The following STK32A variants were observed in gnomAD, a reference collection of about 807,000 sequenced individuals.
The protein encoded by STK32A is serine/threonine-protein kinase 32A.
A neutral mutation model predicts 53.2 loss-of-function variants in STK32A; 41 were observed. The observed-to-expected ratio is 0.77, with a 90% CI of 0.60 to 1.00. The LOEUF (loss-of-function observed/expected upper bound fraction) is 1.00. STK32A is among the 50% of genes least tolerant of loss of function. The pLI, the probability that STK32A is intolerant of heterozygous loss-of-function variation, is 0.00. For missense variants in STK32A, 458 were observed against 485.8 expected (o/e 0.94, Z 0.54); for synonymous variants, 166 against 162.8 (o/e 1.02, Z -0.15).
At chr5:147,255,013 A>G (rs963254750) in intron 2 of STK32A, among the ~76,000 whole-genome samples, 3 of 152,154 alleles carry the variant, frequency 2.0e-5, no homozygotes, top group Middle Eastern at 3.4e-3. Context: ...GGTGGCAGGC[A>G]CCTGTAGTCC....
At chr5:147,354,669 C>G (rs979078194) in intron 7 of STK32A, among the ~76,000 whole-genome samples, 4 of 152,116 alleles carry the variant, frequency 2.6e-5, no homozygotes, top group Admixed American at 2.6e-4. Flanking sequence ...CTTATCACTA[C>G]TTTATAATGA....
intron 4 of STK32A, among the ~76,000 whole-genome samples, chr5:147,288,216 A>G (rs1752434887): frequency 6.6e-6 from 1 of 152,172 alleles, no homozygotes; most frequent in Admixed American, 6.5e-5. Flanking sequence ...ACTACATTCA[A>G]AACTAGAAAC....
At chr5:147,281,955 G>A (rs891252336) in intron 4 of STK32A, among the ~76,000 whole-genome samples, 2 of 152,018 alleles carry the variant, frequency 1.3e-5, no homozygotes, top group African/African-American at 2.4e-5. Flanking sequence ...CCCTATCTCT[G>A]GCCTCCTCAA....
the STK32A span, chr5:147,397,889 A>C: frequency 6.5e-7 from 1 of 1,528,562 alleles, no homozygotes; most frequent in East Asian, 2.3e-5. Context: ...AGGGTAGAGA[A>C]AGAGGAACGT....
intron 8 of STK32A, among the ~76,000 whole-genome samples, chr5:147,369,309 C>T (rs1756904013): frequency 6.6e-6 from 1 of 152,088 alleles, no homozygotes; most frequent in Non-Finnish European, 1.5e-5. Context: ...CATTGACTTG[C>T]CATGTGTAAA....
At chr5:147,246,013 G>C (rs1753756728) in intron 2 of STK32A, among the ~76,000 whole-genome samples, 1 of 152,156 alleles carries the variant, frequency 6.6e-6, no homozygotes, top group Non-Finnish European at 1.5e-5. Flanking sequence ...TTTGTTATTT[G>C]ACTGTCTATC....
intron 4 of STK32A, among the ~76,000 whole-genome samples, chr5:147,281,163 G>A (rs114556556): frequency 2.0e-5 from 3 of 152,170 alleles, no homozygotes; most frequent in Non-Finnish European, 4.4e-5. Flanking sequence ...GCCTACCCAA[G>A]TGAGAAGGAA....
At chr5:147,396,865 G>GTATATA in the STK32A span, among the ~76,000 whole-genome samples, 25 of 144,638 alleles carry the variant, frequency 1.7e-4, no homozygotes, top group Non-Finnish European at 2.1e-4. Flanking sequence ...GTATATGTGT[G>GTATATA]TATATATATA....
chr5:147,277,391 A>T (rs1389813206), intron 2 of STK32A, among the ~76,000 whole-genome samples: 3 of 152,116 alleles, frequency 2.0e-5, no homozygotes, highest in African/African-American at 7.2e-5. Flanking sequence ...CTATAAACTA[A>T]TCAACAATTG....
At chr5:147,256,679 G>C (rs1226213943) in intron 2 of STK32A, among the ~76,000 whole-genome samples, 1 of 151,912 alleles carries the variant, frequency 6.6e-6, no homozygotes, top group Non-Finnish European at 1.5e-5. Context: ...GCCTGGCTAA[G>C]TTTGTATTTT....
At chr5:147,345,380 A>G (rs1263161533) in intron 6 of STK32A, among the ~76,000 whole-genome samples, 1 of 152,218 alleles carries the variant, frequency 6.6e-6, no homozygotes, top group East Asian at 1.9e-4. Flanking sequence ...TATTAGTACA[A>G]TTCTTCTGAG....
chr5:147,310,345 C>T (rs941304675), intron 4 of STK32A, among the ~76,000 whole-genome samples: 13 of 152,168 alleles, frequency 8.5e-5, no homozygotes, highest in African/African-American at 2.9e-4. Flanking sequence ...TCTAGTTCAT[C>T]CCCCTCTGAC....
intron 7 of STK32A, among the ~76,000 whole-genome samples, chr5:147,357,461 T>G (rs866523264): frequency 2.0e-5 from 3 of 152,242 alleles, no homozygotes; most frequent in Middle Eastern, 3.4e-3. Flanking sequence ...TAGTTCTTAT[T>G]GATTATATAA....
At chr5:147,356,488 A>T (rs1308138879) in intron 7 of STK32A, among the ~76,000 whole-genome samples, 1 of 152,178 alleles carries the variant, frequency 6.6e-6, no homozygotes, top group Admixed American at 6.5e-5. Context: ...GTTGACTGTG[A>T]AGCTGGAGAC....
At chr5:147,396,499 C>T in the STK32A span, among the ~76,000 whole-genome samples, 66 of 152,310 alleles carry the variant, frequency 4.3e-4, no homozygotes, top group African/African-American at 1.3e-3. Flanking sequence ...GCAATGAGGA[C>T]GCGCTGCCAG....
At chr5:147,275,097 A>G (rs1006432425) in intron 2 of STK32A, among the ~76,000 whole-genome samples, 3 of 152,174 alleles carry the variant, frequency 2.0e-5, no homozygotes, top group Non-Finnish European at 4.4e-5. Flanking sequence ...TAGTGAGTAC[A>G]CTATTCCACA....
intron 2 of STK32A, among the ~76,000 whole-genome samples, chr5:147,249,909 A>G (rs11949169): frequency 1.1e-3 from 24 of 21,806 alleles, no homozygotes; most frequent in African/African-American, 5.5e-3. Context: ...CCTCTGTCTC[A>G]AAAAAAAAAA....
At chr5:147,397,894 G>C in the STK32A span, 7 of 1,504,666 alleles carry the variant, frequency 4.7e-6, no homozygotes, top group African/African-American at 1.4e-5. Context: ...AGAGAAAGAG[G>C]AACGTACCTT....
At position 147,370,789 on chromosome 5, in the gene STK32A, T is replaced by C. The variant is rs776576808; in HGVS notation, c.777+19T>C. 1.4e-5 allele frequency: 22 copies of C among 1,519,714 alleles called. No homozygotes were observed. The highest frequency in any genetic ancestry group is 3.6e-6 in the Non-Finnish European group (4 of 1,096,478). The allele number at this position is 1,519,714 out of a possible 1,614,324, so 94.1% of individuals were successfully genotyped here. A position where few individuals can be genotyped will look rare whatever the true frequency, so the allele number is the denominator to read the frequency against. On this transcript the variant is annotated intron_variant, in intron 9 of 12. Transcript: ENST00000397936. ...TAAAAAGGTAAGAAGGAAGACTGCA[T>C]GTCCAAACGAAGTAACAAAAGGAAG...
Sources: gnomAD v4.1 joint callset for allele counts (sites outside exome capture counted in the v4.1 genomes callset) on GRCh38, gnomAD v4.1.1 for gene constraint, MANE v1.5 for transcripts, NCBI Gene and HGNC (gene_info 2026-07-23, HGNC 2026-07-21) for gene names.